The following OXCT1 variants were observed in gnomAD, a reference collection of about 807,000 sequenced individuals.
OXCT1 encodes 3-oxoacid CoA-transferase 1.
OXCT1 carries 27 observed loss-of-function variants against 69.6 expected under a neutral mutation model. The ratio of observed to expected loss-of-function variants is 0.39; its 90% confidence interval spans 0.29 to 0.54. OXCT1 has a LOEUF of 0.54. OXCT1 is among the 20% of genes least tolerant of loss of function. The pLI, the probability that OXCT1 is intolerant of heterozygous loss-of-function variation, is 0.72. For missense variants in OXCT1, 437 were observed against 650.2 expected, an observed-to-expected ratio of 0.67 and a Z score of 3.57; for synonymous variants, 202 against 217.8, an observed-to-expected ratio of 0.93 and a Z score of 0.64.
At chr5:41,758,073 A>C (rs1408884774) in intron 14 of OXCT1, among the ~76,000 whole-genome samples, 1 of 152,094 alleles carries the variant, frequency 6.6e-6, no homozygotes, top group Non-Finnish European at 1.5e-5. Context: ...AGATGTAAAG[A>C]AGGCCTTAAC....
intron 14 of OXCT1, among the ~76,000 whole-genome samples, chr5:41,754,790 A>T (rs1000793130): frequency 1.3e-5 from 2 of 151,984 alleles, no homozygotes; most frequent in African/African-American, 4.8e-5. Context: ...ATTACAAATG[A>T]TATGTGGAGG....
chr5:41,795,759 GGATGT>G (rs1746152321), intron 11 of OXCT1, among the ~76,000 whole-genome samples: 1 of 152,092 alleles, frequency 6.6e-6, no homozygotes. Flanking sequence ...CTGAGGTGAT[GGATGT>G]GATAATTAAT....
chr5:41,740,065 G>GT (rs1743090407), intron 15 of OXCT1, among the ~76,000 whole-genome samples: 1 of 152,068 alleles, frequency 6.6e-6, no homozygotes, highest in Non-Finnish European at 1.5e-5. Flanking sequence ...ACTGCAACCA[G>GT]TTTTTTAAAA....
At chr5:41,797,071 G>C (rs1579757079) in intron 11 of OXCT1, among the ~76,000 whole-genome samples, 1 of 152,310 alleles carries the variant, frequency 6.6e-6, no homozygotes, top group East Asian at 1.9e-4. Flanking sequence ...CATCAGTCCT[G>C]TGGGAAGTCA....
chr5:41,804,222 T>C lies in OXCT1; in HGVS notation c.956-1059A>G, dbSNP rs576378183. Among the ~76,000 whole-genome samples the C allele has an allele frequency of 5.3e-5, 8 of 152,230 alleles. No individual in the cohort carries two copies. The South Asian group carries it at 1.7e-3, about 32-fold the overall frequency. ...GTGTTATTTGTAATTTATTTCTCAA[T>C]AATGCACAGAACACATTAGGATACT... On this transcript the variant is annotated intron_variant, in intron 9 of 16. Transcript: ENST00000196371.
intron 5 of OXCT1, among the ~76,000 whole-genome samples, chr5:41,846,653 G>A (rs540241721): frequency 3.5e-4 from 54 of 152,172 alleles, no homozygotes; most frequent in Non-Finnish European, 6.5e-4. Context: ...ACCCAGTAAT[G>A]GGATGGCTGG....
chr5:41,815,997 A>G (rs1747224869), intron 7 of OXCT1, among the ~76,000 whole-genome samples: 1 of 152,222 alleles, frequency 6.6e-6, no homozygotes, highest in South Asian at 2.1e-4. Context: ...TACTTAACAC[A>G]TAAAATGCAA....
Position 41,731,525 on chromosome 5 carries a change from T to A in OXCT1, c.*204A>T. 3.3e-6 allele frequency: 3 copies of A among 917,030 alleles called. No homozygotes were observed. Among genetic ancestry groups the A allele is most frequent in the Non-Finnish European group, 4.8e-6 (3 of 628,538 alleles). The allele number at this position is 917,030 out of a possible 1,614,324, so 56.8% of individuals were successfully genotyped here. On this transcript the variant is annotated 3_prime_UTR_variant, in exon 17 of 17. Transcript: ENST00000196371. Reference sequence around the variant, plus strand: ...ACCTTCTCAGCCTTAACAAATGAGATAATTATAAATGCTCCTTTTGCTTTT... The same window carrying A: ...ACCTTCTCAGCCTTAACAAATGAGAAAATTATAAATGCTCCTTTTGCTTTT...
rs1743049082 is a variant in OXCT1 at position 41,739,425 on chromosome 5, C to T, written c.1486G>A (p.Asp496Asn). The change falls in exon 16 of 17, where the codon GAT becomes AAT. Residue 496 changes from aspartate to asparagine, a missense_variant. By Grantham distance (23) the Asp-to-Asn change is conservative. Around this residue, in one of 4 missense-constraint regions of OXCT1, gnomAD observed 102 missense variants for 162.1 expected, o/e 0.63. Transcript: ENST00000196371. ...LIELWEGLTV[D>N]DVQKSTGCDF... ...CACCCAGTACTCTTCTGTACGTCAT[C>T]CACTGTCAGGCCTTCCCAGAGCTCA... The T allele has an allele frequency of 6.2e-7, 1 of 1,613,608 alleles. No homozygotes were observed. Among genetic ancestry groups the T allele is most frequent in the Non-Finnish European group, 8.5e-7 (1 of 1,179,500 alleles).
chr5:41,850,383 A>G (rs1265505003), intron 4 of OXCT1, among the ~76,000 whole-genome samples: 1 of 152,200 alleles, frequency 6.6e-6, no homozygotes, highest in African/African-American at 2.4e-5. Flanking sequence ...TTCTAAATCC[A>G]CATTCAAAAT....
intron 7 of OXCT1, among the ~76,000 whole-genome samples, chr5:41,807,663 A>G (rs891899242): frequency 1.3e-5 from 2 of 152,094 alleles, no homozygotes; most frequent in African/African-American, 4.8e-5. Context: ...AACAGAAAAT[A>G]CAGACCATTA....
At chr5:41,811,598 C>T (rs1330029284) in intron 7 of OXCT1, among the ~76,000 whole-genome samples, 1 of 151,694 alleles carries the variant, frequency 6.6e-6, no homozygotes, top group Non-Finnish European at 1.5e-5. Flanking sequence ...AGGACCAGTA[C>T]AAAAACACAG....
At chr5:41,737,834 T>C (rs1244082617) in intron 16 of OXCT1, among the ~76,000 whole-genome samples, 1 of 152,170 alleles carries the variant, frequency 6.6e-6, no homozygotes, top group Non-Finnish European at 1.5e-5. Context: ...GGCGGGCAGA[T>C]CACAAGGTCA....
intron 14 of OXCT1, among the ~76,000 whole-genome samples, chr5:41,759,113 A>C (rs1472073694): frequency 6.6e-6 from 1 of 151,056 alleles, no homozygotes; most frequent in Non-Finnish European, 1.5e-5. Context: ...AAAAACCTGA[A>C]GCTTCCTGAA....
chr5:41,750,050 T>C (rs1049062121), intron 14 of OXCT1, among the ~76,000 whole-genome samples: 2 of 151,804 alleles, frequency 1.3e-5, no homozygotes, highest in East Asian at 1.9e-4. Flanking sequence ...AAAAGTAATA[T>C]GTACATGGAA....
At chr5:41,732,268 G>A (rs1375052413) in intron 16 of OXCT1, among the ~76,000 whole-genome samples, 1 of 152,086 alleles carries the variant, frequency 6.6e-6, no homozygotes, top group South Asian at 2.1e-4. Context: ...AAATCTTATC[G>A]GAAATTTCAT....
At chr5:41,852,332 T>C (rs758920275) in intron 4 of OXCT1, among the ~76,000 whole-genome samples, 3 of 152,178 alleles carry the variant, frequency 2.0e-5, no homozygotes, top group Non-Finnish European at 2.9e-5. Context: ...TCAGAATAGT[T>C]CCCATGTGTG....
chr5:41,807,482 G>A (rs1050096425), intron 7 of OXCT1, 44 bp from the exon 8 acceptor site: 4 of 1,134,378 alleles, frequency 3.5e-6, no homozygotes, highest in South Asian at 1.2e-5. Flanking sequence ...AAAGCTTAAA[G>A]TGAACATTTT....
At position 41,810,236 on chromosome 5, in the gene OXCT1, G is replaced by A. The variant is rs572929448; in HGVS notation, c.733-2798C>T. ...GAGATCAGGCGATTTAAACATAAGC[G>A]TTAATGGAAAACCTGATGAGAAAAT... On this transcript the variant is annotated intron_variant, in intron 7 of 16. Transcript: ENST00000196371. Among the ~76,000 whole-genome samples the A allele has an allele frequency of 5.3e-5, 8 of 152,080 alleles. No homozygotes were observed. The East Asian group carries it at 9.7e-4, about 18-fold the overall frequency.
Sources: allele counts gnomAD v4.1 joint callset (sites outside exome capture counted in the v4.1 genomes callset), GRCh38; gene constraint gnomAD v4.1.1; regional missense constraint gnomAD v4.1.1; transcripts MANE v1.5; gene names NCBI Gene and HGNC (gene_info 2026-07-23, HGNC 2026-07-21).